Variants in GPR158 observed in about 807,000 individuals in gnomAD.
The protein encoded by GPR158 is metabotropic glycine receptor.
A neutral mutation model predicts 78.2 loss-of-function variants in GPR158; 30 were observed. That is an observed-to-expected ratio of 0.38 (90% CI 0.29 to 0.52). The LOEUF is 0.52. Ranked by LOEUF, GPR158 falls within the 20% of genes least tolerant of loss-of-function variation. The pLI, the probability that GPR158 is intolerant of heterozygous loss-of-function variation, is 0.83. For missense variants in GPR158, 1,463 were observed against 1,523.5 expected, an observed-to-expected ratio of 0.96 and a Z score of 0.66; for synonymous variants, 581 against 591.1, an observed-to-expected ratio of 0.98 and a Z score of 0.25.
At chr10:25,463,314 A>G (rs1835380222) in intron 4 of GPR158, among the ~76,000 whole-genome samples, 1 of 152,116 alleles carries the variant, frequency 6.6e-6, no homozygotes, top group African/African-American at 2.4e-5. Context: ...GAAACCACAA[A>G]ATTTGTGTGA....
At chr10:25,372,411 A>G (rs1325605394) in intron 2 of GPR158, among the ~76,000 whole-genome samples, 59 of 149,306 alleles carry the variant, frequency 4.0e-4, no homozygotes, top group African/African-American at 1.4e-3. Flanking sequence ...ATGCACACAT[A>G]TGTTTATTGC....
At chr10:25,525,633 G>GCC (rs1253156590) in intron 5 of GPR158, among the ~76,000 whole-genome samples, 2 of 152,178 alleles carry the variant, frequency 1.3e-5, no homozygotes, top group African/African-American at 4.8e-5. Context: ...ACAGAAAGTA[G>GCC]ACTAGTCAGT....
intron 5 of GPR158, among the ~76,000 whole-genome samples, chr10:25,512,737 T>G (rs1450441551): frequency 6.6e-6 from 1 of 152,062 alleles, no homozygotes; most frequent in Non-Finnish European, 1.5e-5. Context: ...GTTTTAATCA[T>G]AAAAGAATGC....
intron 5 of GPR158, among the ~76,000 whole-genome samples, chr10:25,532,988 T>TAA (rs35040580): frequency 0.31 from 47,590 of 152,040 alleles, 8,443 homozygotes; most frequent in East Asian, 0.49. Flanking sequence ...TTAATTCCCT[T>TAA]AATGCATGGT....
At chr10:25,501,934 G>C (rs1169665537) in intron 5 of GPR158, among the ~76,000 whole-genome samples, 1 of 151,914 alleles carries the variant, frequency 6.6e-6, no homozygotes, top group Non-Finnish European at 1.5e-5. Context: ...CGTATGCTTG[G>C]TACCCCCAGC....
intron 5 of GPR158, among the ~76,000 whole-genome samples, chr10:25,508,924 A>T (rs949808457): frequency 6.6e-6 from 1 of 152,198 alleles, no homozygotes. Context: ...ACGCCTTAGC[A>T]TCTTTTTTTC....
chr10:25,426,389 G>T (rs145886313), intron 4 of GPR158, among the ~76,000 whole-genome samples: 1 of 152,196 alleles, frequency 6.6e-6, no homozygotes, highest in African/African-American at 2.4e-5. Flanking sequence ...GGCACAAGAG[G>T]CCTAGTTTTT....
chr10:25,388,533 G>T (rs1834251812), intron 2 of GPR158, among the ~76,000 whole-genome samples: 6 of 152,232 alleles, frequency 3.9e-5, no homozygotes, highest in Admixed American at 3.9e-4. Flanking sequence ...TTGTGGGGTT[G>T]GCCAGGTCCA....
chr10:25,187,716 C>T (rs1427188104), intron 1 of GPR158, among the ~76,000 whole-genome samples: 1 of 152,186 alleles, frequency 6.6e-6, no homozygotes, highest in Non-Finnish European at 1.5e-5. Context: ...CCTTTGAAAA[C>T]TGGCACAAGA....
chr10:25,176,084 T>A lies in GPR158; in HGVS notation c.664T>A (p.Trp222Arg). The change falls in exon 1 of 11, where the codon TGG becomes AGG. Residue 222 changes from tryptophan (W) to arginine (R), a missense_variant. By Grantham distance (101) the Trp-to-Arg change is moderately radical. Coordinates refer to ENST00000376351, the MANE Select transcript of GPR158 (RefSeq NM_020752.3). This position sits in a 1 kb window ranked among gnomAD's most constrained non-coding sequence, Gnocchi z 6.3. ...GGCCAACGCCACTCTGGAGACCGAG[T>A]GGTTCCACGGCCTCCGGCGCAAGTG... ...HLANATLETE[W>R]FHGLRRKWRP... The A allele has an allele frequency of 6.3e-7, 1 of 1,596,582 alleles. No individual in the cohort carries two copies. The highest frequency in any genetic ancestry group is 1.7e-4 in the Middle Eastern group (1 of 6,046).
chr10:25,294,909 T>C (rs1257278019), intron 2 of GPR158, among the ~76,000 whole-genome samples: 1 of 152,226 alleles, frequency 6.6e-6, no homozygotes, highest in Non-Finnish European at 1.5e-5. Flanking sequence ...CATCTAGGTG[T>C]ATGGAATGCA....
At chr10:25,248,526 T>C (rs1361394342) in intron 2 of GPR158, among the ~76,000 whole-genome samples, 13 of 149,804 alleles carry the variant, frequency 8.7e-5, no homozygotes, top group East Asian at 1.9e-4. Context: ...TTCAGCTTTC[T>C]ACATATGGCT....
At chr10:25,348,037 G>A (rs553382454) in intron 2 of GPR158, among the ~76,000 whole-genome samples, 1 of 151,970 alleles carries the variant, frequency 6.6e-6, no homozygotes, top group East Asian at 2.0e-4. Context: ...GCATGTGCAC[G>A]GCCTCTTCCT....
chr10:25,419,391 C>T (rs750153161), intron 4 of GPR158, among the ~76,000 whole-genome samples: 5 of 152,068 alleles, frequency 3.3e-5, no homozygotes, highest in Non-Finnish European at 7.4e-5. Flanking sequence ...TTTTTCCGTT[C>T]ATCTGTTGAT....
chr10:25,522,046 A>T (rs1318911410), intron 5 of GPR158, among the ~76,000 whole-genome samples: 1 of 152,202 alleles, frequency 6.6e-6, no homozygotes, highest in East Asian at 1.9e-4. Context: ...AATAACCAGT[A>T]ATTAGGGTAA....
At chr10:25,257,302 C>A (rs1356411295) in intron 2 of GPR158, among the ~76,000 whole-genome samples, 1 of 152,256 alleles carries the variant, frequency 6.6e-6, no homozygotes. Flanking sequence ...TTTAAAGGCC[C>A]TGTCTTTTAA....
intron 5 of GPR158, among the ~76,000 whole-genome samples, chr10:25,478,903 T>C (rs921234726): frequency 6.6e-6 from 1 of 151,544 alleles, no homozygotes; most frequent in African/African-American, 2.4e-5. Context: ...GTGTTTGGTT[T>C]TTTTGTCATT....
At chr10:25,296,056 A>AAC (rs952246965) in intron 2 of GPR158, among the ~76,000 whole-genome samples, 26 of 151,360 alleles carry the variant, frequency 1.7e-4, no homozygotes, top group Non-Finnish European at 3.0e-4. Flanking sequence ...CAGGGAGGAA[A>AAC]AAAAAAAAAA....
At chr10:25,186,323 A>G (rs1166547710) in intron 1 of GPR158, among the ~76,000 whole-genome samples, 1 of 152,208 alleles carries the variant, frequency 6.6e-6, no homozygotes, top group African/African-American at 2.4e-5. Context: ...CTAGAGAAGC[A>G]AGAGCAAACA....
Sources: allele counts gnomAD v4.1 joint callset (sites outside exome capture counted in the v4.1 genomes callset), GRCh38; gene constraint gnomAD v4.1.1; non-coding constraint Gnocchi (gnomAD v3.1); transcripts MANE v1.5; gene names NCBI Gene and HGNC (gene_info 2026-07-23, HGNC 2026-07-21).